Variants in ENPP4 observed in about 807,000 individuals in gnomAD.
ENPP4 encodes bis(5'-adenosyl)-triphosphatase ENPP4.
Under a neutral mutation model 33.4 loss-of-function variants are expected in ENPP4, and 18 were observed. The ratio of observed to expected loss-of-function variants is 0.54; its 90% CI spans 0.37 to 0.80. The LOEUF (loss-of-function observed/expected upper bound fraction) is 0.80, where lower values mean the gene tolerates loss of function less well. ENPP4 is among the 30% of genes least tolerant of loss of function. ENPP4 has a pLI of 0.00. For synonymous variants in ENPP4, 172 were observed against 189.9 expected, an observed-to-expected ratio of 0.91 and a Z score of 0.78; for missense variants, 480 against 541.7, an observed-to-expected ratio of 0.89 and a Z score of 1.13.
Position 46,143,447 on chromosome 6 carries a change from G to A in ENPP4, c.1169G>A (p.Gly390Asp). ...CCACATCCCAATAATGGGACCTTTG[G>A]TCATACTAAGTGCTTGTTAGTTGAC... ...LKPHPNNGTF[G>D]HTKCLLVDQW... The change falls in exon 4 of 4, where the codon GGT (glycine) becomes GAT (aspartate). Residue 390 changes from glycine to aspartate, a missense_variant. Physicochemically the swap from Gly to Asp is moderately conservative, Grantham distance 94. Coordinates refer to ENST00000321037, the MANE Select transcript of ENPP4 (RefSeq NM_014936.5). 1.9e-6 allele frequency: 3 copies of A among 1,612,742 alleles called. No homozygotes were observed. Among genetic ancestry groups the A allele is most frequent in the East Asian group, 2.2e-5 (1 of 44,848 alleles).
chr6:46,146,637 G>A lies in ENPP4; in HGVS notation c.*2997G>A, dbSNP rs1269643986. On this transcript the variant is annotated 3_prime_UTR_variant, in exon 4 of 4. Transcript: ENST00000321037. ...TGACTTTGTTCATGATTTTTAAAAT[G>A]TGTGTGAATAAAATCTACCAAAAAA... 1.3e-5 allele frequency: 2 copies of A among 151,932 alleles called. No individual in the cohort carries two copies. Among genetic ancestry groups the A allele is most frequent in the Non-Finnish European group, 2.9e-5 (2 of 67,868 alleles). 9.4% of individuals were successfully genotyped at this position (151,932 alleles called of 1,614,324 possible). A position where few individuals can be genotyped will look rare whatever the true frequency, so the allele number is the denominator to read the frequency against.
At chr6:46,138,440 C>T (rs1764006973) in intron 1 of ENPP4, among the ~76,000 whole-genome samples, 1 of 151,864 alleles carries the variant, frequency 6.6e-6, no homozygotes, top group Non-Finnish European at 1.5e-5. Context: ...CAGCTGTCAA[C>T]ATTGACTCCA....
At chr6:46,137,047 A>C (rs939286565) in intron 1 of ENPP4, among the ~76,000 whole-genome samples, 3 of 151,838 alleles carry the variant, frequency 2.0e-5, no homozygotes, top group African/African-American at 7.2e-5. Flanking sequence ...TCATATACTC[A>C]GGGGATCTCT....
At position 46,143,498 on chromosome 6, in the gene ENPP4, C is replaced by T; in HGVS notation, c.1220C>T (p.Ala407Val). Residue 407 changes from alanine (A) to valine (V), a missense_variant, in exon 4 of 4, where the codon GCC becomes GTC. By Grantham distance (64) the Ala-to-Val change is moderately conservative. Around this residue, in one of 3 missense-constraint regions of ENPP4, gnomAD observed 249 missense variants for 251.8 expected, o/e 0.99. Transcript: ENST00000321037. ...CAGTGGTGCATTAATCTCCCAGAAG[C>T]CATCGCGATTGTTATCGGTTCACTC... ...VDQWCINLPE[A>V]IAIVIGSLLV... The T allele has an allele frequency of 6.2e-7, 1 of 1,612,804 alleles. No individual in the cohort carries two copies. Among genetic ancestry groups the T allele is most frequent in the Middle Eastern group, 1.7e-4 (1 of 6,058 alleles).
intron 1 of ENPP4, among the ~76,000 whole-genome samples, chr6:46,137,012 T>C (rs1763986933): frequency 6.6e-6 from 1 of 151,878 alleles, no homozygotes; most frequent in Non-Finnish European, 1.5e-5. Context: ...GATACGAAGA[T>C]AGAATTGACT....
rs561251308 is a variant in ENPP4 at position 46,133,755 on chromosome 6, C to T, written c.-34+3566C>T. Among the ~76,000 whole-genome samples, 74 of 152,162 alleles carry T rather than the reference C, an allele frequency of 4.9e-4. No individual in the cohort carries two copies. In the South Asian group the frequency reaches 0.015, roughly 30 times the overall value. On this transcript the variant is annotated intron_variant, in intron 1 of 3. Transcript: ENST00000321037. ...ATTCCCTGCAAACTTTATTTTCATT[C>T]CTTGGAAACTGCTTGAGAACTTCTC...
intron 1 of ENPP4, among the ~76,000 whole-genome samples, chr6:46,133,935 G>C (rs1763939139): frequency 6.6e-6 from 1 of 152,096 alleles, no homozygotes; most frequent in Non-Finnish European, 1.5e-5. Context: ...GCTATTACTG[G>C]ACTTGTAAAC....
At chr6:46,142,176 C>A (rs531180302) in intron 3 of ENPP4, among the ~76,000 whole-genome samples, 2 of 150,608 alleles carry the variant, frequency 1.3e-5, no homozygotes, top group African/African-American at 2.4e-5. Context: ...TGTTGACAAC[C>A]GAAAGTATAG....
intron 1 of ENPP4, among the ~76,000 whole-genome samples, chr6:46,137,377 C>G (rs1012149470): frequency 1.3e-5 from 2 of 151,744 alleles, no homozygotes; most frequent in South Asian, 4.1e-4. Flanking sequence ...GGGAACTATA[C>G]CCAGAGAGAA....
Position 46,140,468 on chromosome 6 carries a change from G to A in ENPP4, c.826+59G>A, listed in dbSNP as rs142785226. 172 of 1,008,434 alleles carry A rather than the reference G, an allele frequency of 1.7e-4. No individual in the cohort carries two copies. In the African/African-American group the frequency reaches 2.3e-3, roughly 14 times the overall value. 62.5% of individuals were successfully genotyped at this position (1,008,434 alleles called of 1,614,324 possible). A position where few individuals can be genotyped will look rare whatever the true frequency, so the allele number is the denominator to read the frequency against. On this transcript the variant is annotated intron_variant, in intron 2 of 3. Coordinates refer to ENST00000321037, the MANE Select transcript of ENPP4 (RefSeq NM_014936.5). Reference sequence around the variant, plus strand: ...TCGAATGGGGCAATTGATTGAGGGGGGTGGGTTGTATAAAAGAATGAAGCT... The same window carrying A: ...TCGAATGGGGCAATTGATTGAGGGGAGTGGGTTGTATAAAAGAATGAAGCT...
intron 3 of ENPP4, among the ~76,000 whole-genome samples, chr6:46,141,923 C>T (rs1764067137): frequency 6.6e-6 from 1 of 151,512 alleles, no homozygotes. Context: ...TGGTCTCTGT[C>T]TCAGCTACTC....
In ENPP4 at chr6:46,145,471, A is replaced by G. The variant is rs1764128693; in HGVS notation, c.*1831A>G. The G allele has an allele frequency of 6.6e-6, 1 of 151,970 alleles. No homozygotes were observed. The highest frequency in any genetic ancestry group is 2.4e-5 in the African/African-American group (1 of 41,410). 9.4% of individuals were successfully genotyped at this position (151,970 alleles called of 1,614,324 possible). On this transcript the variant is annotated 3_prime_UTR_variant, in exon 4 of 4. Transcript: ENST00000321037. ...GTTAATAGTTGATCGAAACAGAATA[A>G]TAGAAAAATTCTACTTTAATTTCCA...
chr6:46,141,048 TCAGATAG>T lies in ENPP4; in HGVS notation c.827-3_830del, dbSNP rs1395550244. 1 of 1,546,038 alleles carries T rather than the reference TCAGATAG, an allele frequency of 6.5e-7. No homozygotes were observed. The highest frequency in any genetic ancestry group is 2.2e-5 in the Admixed American group (1 of 46,158). The stretch of plus-strand genomic sequence containing the variant: ...TTCCTTTGCTGTTTCTTTTTTTTTC[TCAGATAG>T]AACAGAGGTTTATAACAAACTGAAA... On this transcript the variant is annotated splice_acceptor_variant and splice_polypyrimidine_tract_variant and coding_sequence_variant and intron_variant, in exon 3 of 4. Transcript: ENST00000321037. LOFTEE classifies it high-confidence loss of function.
At position 46,140,263 on chromosome 6, in the gene ENPP4, G is replaced by A. The variant is rs1303859355; in HGVS notation, c.680G>A (p.Trp227Ter). Reference sequence around the variant, plus strand: ...CAAAGACTCAAGATGTTAGGGCTATGGGAAAATCTTAATGTGATCATTACA... The same window carrying A: ...CAAAGACTCAAGATGTTAGGGCTATAGGAAAATCTTAATGTGATCATTACA... ...LVQRLKMLGL[W>*]ENLNVIITSD... Residue 227 changes from tryptophan to a stop codon, truncating the protein, a stop_gained, in exon 2 of 4, where the codon TGG becomes TAG. Coordinates refer to ENST00000321037, the MANE Select transcript of ENPP4 (RefSeq NM_014936.5). LOFTEE classifies it high-confidence loss of function. 4 of 1,612,398 alleles carry A rather than the reference G, an allele frequency of 2.5e-6. No homozygotes were observed. Among genetic ancestry groups the A allele is most frequent in the Non-Finnish European group, 1.7e-6 (2 of 1,178,964 alleles).
intron 3 of ENPP4, among the ~76,000 whole-genome samples, chr6:46,142,826 C>T (rs1457162617): frequency 6.6e-6 from 1 of 151,706 alleles, no homozygotes; most frequent in Non-Finnish European, 1.5e-5. Context: ...AAGATCCCTC[C>T]TGTAACAATT....
At chr6:46,137,621 G>A (rs1763995362) in intron 1 of ENPP4, among the ~76,000 whole-genome samples, 1 of 151,818 alleles carries the variant, frequency 6.6e-6, no homozygotes, top group African/African-American at 2.4e-5. Flanking sequence ...TATGACTAGG[G>A]CTGTGTCTGT....
Position 46,139,791 on chromosome 6 carries a change from A to T in ENPP4, c.208A>T (p.Thr70Ser). The part of the protein sequence containing the change: ...EHVKNVFITK[T>S]FPNHYSIVTG... ...TGTTAAAAATGTTTTTATCACAAAA[A>T]CATTTCCAAACCACTACAGTATTGT... is the stretch of plus-strand genomic sequence containing the variant. Residue 70 changes from threonine to serine, a missense_variant, in exon 2 of 4, where the codon ACA becomes TCA. By Grantham distance (58) the Thr-to-Ser change is moderately conservative (BLOSUM62 1). Transcript: ENST00000321037. 1.2e-6 allele frequency: 2 copies of T among 1,612,222 alleles called. No homozygotes were observed. Among genetic ancestry groups the T allele is most frequent in the Non-Finnish European group, 1.7e-6 (2 of 1,178,826 alleles).
At chr6:46,133,271 A>G (rs1763929128) in intron 1 of ENPP4, among the ~76,000 whole-genome samples, 1 of 152,184 alleles carries the variant, frequency 6.6e-6, no homozygotes, top group South Asian at 2.1e-4. Context: ...ATAATTTAGA[A>G]TCCTACGATT....
chr6:46,143,995 A>C lies in ENPP4; in HGVS notation c.*355A>C, dbSNP rs1764107912. 1 of 162,306 alleles carries C rather than the reference A, an allele frequency of 6.2e-6. No individual in the cohort carries two copies. Among genetic ancestry groups the C allele is most frequent in the Non-Finnish European group, 1.3e-5 (1 of 74,816 alleles). The allele number at this position is 162,306 out of a possible 1,614,324, so 10.1% of individuals were successfully genotyped here. ...ACATCTTTAAATGAAAATATACCAA[A>C]ATTTAGTAGGCATGTTTTTCTAATA... On this transcript the variant is annotated 3_prime_UTR_variant, in exon 4 of 4. Coordinates refer to ENST00000321037, the MANE Select transcript of ENPP4 (RefSeq NM_014936.5).
Sources: allele counts gnomAD v4.1 joint callset (sites outside exome capture counted in the v4.1 genomes callset), GRCh38; gene constraint gnomAD v4.1.1; regional missense constraint gnomAD v4.1.1; transcripts MANE v1.5; gene names NCBI Gene and HGNC (gene_info 2026-07-23, HGNC 2026-07-21).